The following NCAPG2 variants were observed in gnomAD, a reference collection of about 807,000 sequenced individuals.
The protein encoded by NCAPG2 is condensin-2 complex subunit G2.
A neutral mutation model predicts 141.1 loss-of-function variants in NCAPG2; 53 were observed. The ratio of observed to expected loss-of-function variants is 0.38; its 90% CI spans 0.30 to 0.47. The LOEUF (loss-of-function observed/expected upper bound fraction) is 0.47. NCAPG2 is among the 20% of genes least tolerant of loss of function. The probability of loss-of-function intolerance (pLI) is 0.99; values close to 1 mark genes in which losing one functional copy is unlikely to be tolerated. For synonymous variants in NCAPG2, 499 were observed against 490.7 expected, an observed-to-expected ratio of 1.02 and a Z score of -0.22; for missense variants, 1,087 against 1,389.0, an observed-to-expected ratio of 0.78 and a Z score of 3.46.
At chr7:158,678,104 T>C (rs1834208916) in intron 11 of NCAPG2, among the ~76,000 whole-genome samples, 1 of 39,666 alleles carries the variant, frequency 2.5e-5, no homozygotes, top group Admixed American at 4.2e-4. Context: ...GACCCTTTTT[T>C]ATTTTAAAAA....
intron 4 of NCAPG2, 115 bp downstream of exon 4, chr7:158,692,727 G>A (rs934968215): frequency 1.3e-6 from 1 of 796,906 alleles, no homozygotes; most frequent in Non-Finnish European, 2.1e-6. Flanking sequence ...GGCAACAAGA[G>A]CGAAACTCCG....
chr7:158,648,200 T>C (rs951327109), intron 24 of NCAPG2, among the ~76,000 whole-genome samples: 13 of 151,954 alleles, frequency 8.6e-5, no homozygotes, highest in African/African-American at 3.1e-4. Context: ...GCATAAGGGA[T>C]AGGAGAACAC....
Position 158,690,614 on chromosome 7 carries a change from T to C in NCAPG2, c.491A>G (p.Lys164Arg). 1.2e-6 allele frequency: 2 copies of C among 1,614,192 alleles called. No homozygotes were observed. The highest frequency in any genetic ancestry group is 1.7e-6 in the Non-Finnish European group (2 of 1,179,998). The change falls in exon 5 of 28, where the codon AAG becomes AGG. Residue 164 changes from lysine to arginine, a missense_variant. Lys to Arg is a conservative substitution (Grantham distance 26). Coordinates refer to ENST00000356309, the MANE Select transcript of NCAPG2 (RefSeq NM_017760.7). Reference protein sequence around the residue: ...KGLPAKEDTGKTAFVMLLRRS... With the variant: ...KGLPAKEDTGRTAFVMLLRRS... ...CCTTAGTAACATGACAAAGGCTGTC[T>C]TTCCTGTGTCTTCCTTGGCAGGCAG...
intron 12 of NCAPG2, among the ~76,000 whole-genome samples, chr7:158,672,366 G>C (rs1239417054): frequency 1.0e-5 from 1 of 98,394 alleles, no homozygotes; most frequent in Non-Finnish European, 1.8e-5. Flanking sequence ...TTTTTGAGAC[G>C]GAGTCTCACT....
intron 27 of NCAPG2, among the ~76,000 whole-genome samples, chr7:158,636,140 G>A (rs184584546): frequency 6.6e-6 from 1 of 152,262 alleles, no homozygotes; most frequent in African/African-American, 2.4e-5. Context: ...TGGCATGCAG[G>A]TGAATAATGG....
At chr7:158,636,952 C>T (rs549473019) in intron 27 of NCAPG2, among the ~76,000 whole-genome samples, 1 of 151,760 alleles carries the variant, frequency 6.6e-6, no homozygotes, top group African/African-American at 2.4e-5. Flanking sequence ...TCTTCTTCTT[C>T]TTCTTTTTTT....
intron 24 of NCAPG2, among the ~76,000 whole-genome samples, chr7:158,647,398 G>A (rs1831110752): frequency 6.6e-6 from 1 of 152,202 alleles, no homozygotes; most frequent in Non-Finnish European, 1.5e-5. Flanking sequence ...CCCCTGCAGG[G>A]CAGAAGCCCA....
chr7:158,672,288 G>GTATATATATA (rs1563549278), intron 12 of NCAPG2, among the ~76,000 whole-genome samples: 7 of 24,606 alleles, frequency 2.8e-4, no homozygotes, highest in African/African-American at 1.0e-3. Flanking sequence ...ATGTGTGTGT[G>GTATATATATA]TGTGTATATA....
chr7:158,664,682 C>G lies in NCAPG2; in HGVS notation c.1548G>C (p.Arg516=). 1 of 1,614,090 alleles carries G rather than the reference C, an allele frequency of 6.2e-7. No individual in the cohort carries two copies. Among genetic ancestry groups the G allele is most frequent in the South Asian group, 1.1e-5 (1 of 91,074 alleles). Residue 516 remains arginine (R), a synonymous_variant, in exon 14 of 28, where the codon CGG becomes CGC. Transcript: ENST00000356309. ...RLETDSRPVS[R]RLVSLIFNSF... is the part of the protein sequence containing the mutation. ...AATTAAAGATGAGGCTCACCAGGCGCCGAGACACAGGTCGAGAATCAGTTT... is the reference window on the plus strand; with the variant it reads ...AATTAAAGATGAGGCTCACCAGGCGGCGAGACACAGGTCGAGAATCAGTTT...
intron 12 of NCAPG2, among the ~76,000 whole-genome samples, chr7:158,674,829 A>C (rs1773493459): frequency 1.3e-5 from 2 of 152,222 alleles, no homozygotes; most frequent in South Asian, 4.1e-4. Context: ...ATCTCACAGT[A>C]CCTCAAGAAA....
intron 24 of NCAPG2, among the ~76,000 whole-genome samples, chr7:158,648,646 G>A (rs1831226402): frequency 1.4e-5 from 1 of 69,528 alleles, no homozygotes; most frequent in African/African-American, 5.1e-5. Context: ...CCACAACCAC[G>A]CCAAATGGAC....
intron 13 of NCAPG2, 25 bp downstream of exon 13, chr7:158,671,489 A>G: frequency 6.2e-7 from 1 of 1,613,512 alleles, no homozygotes; most frequent in Non-Finnish European, 8.5e-7. Context: ...TCATGTCATA[A>G]GTAAAAAAGC....
At chr7:158,696,516 A>G (rs891888326) in intron 2 of NCAPG2, 7 of 151,678 alleles carry the variant, frequency 4.6e-5, no homozygotes, top group African/African-American at 1.7e-4. Context: ...AAATGTTTAG[A>G]GATAAAGAGG....
In NCAPG2 at chr7:158,690,657, T is replaced by A. The variant is rs769141247; in HGVS notation, c.448A>T (p.Thr150Ser). 1 of 1,614,104 alleles carries A rather than the reference T, an allele frequency of 6.2e-7. No individual in the cohort carries two copies. Among genetic ancestry groups the A allele is most frequent in the Non-Finnish European group, 8.5e-7 (1 of 1,179,946 alleles). Residue 150 changes from threonine to serine, a missense_variant, in exon 5 of 28, where the codon ACC becomes TCC. Thr to Ser is a moderately conservative substitution (Grantham distance 58). Coordinates refer to ENST00000356309, the MANE Select transcript of NCAPG2 (RefSeq NM_017760.7). ...GCAGGCAGGCCTTTCTCCCACCAGG[T>A]AACACACAAATCCTGAATAGAACTC... ...LQSSIQDLCV[T>S]WWEKGLPAKE...
chr7:158,640,647 T>C (rs1830580455), intron 27 of NCAPG2: 1 of 152,088 alleles, frequency 6.6e-6, no homozygotes, highest in Admixed American at 6.5e-5. Flanking sequence ...TAAAAGACTC[T>C]CTGACAAACC....
intron 2 of NCAPG2, among the ~76,000 whole-genome samples, chr7:158,697,457 C>G (rs1458289111): frequency 6.6e-6 from 1 of 152,112 alleles, no homozygotes; most frequent in Admixed American, 6.6e-5. Flanking sequence ...CAGAAATTAG[C>G]CGGTGTGGTG....
At chr7:158,695,980 C>T (rs992782179) in intron 2 of NCAPG2, among the ~76,000 whole-genome samples, 1 of 152,230 alleles carries the variant, frequency 6.6e-6, no homozygotes, top group Non-Finnish European at 1.5e-5. Flanking sequence ...CAGCAAGGTG[C>T]CTTTTTGTAG....
intron 13 of NCAPG2, among the ~76,000 whole-genome samples, chr7:158,667,490 CCCG>C (rs1833157531): frequency 1.8e-5 from 2 of 113,862 alleles, no homozygotes; most frequent in African/African-American, 6.3e-5. Context: ...GGTCCCTCCG[CCCG>C]CCTTACCCAC....
chr7:158,676,539 A>T (rs896190806), intron 11 of NCAPG2, among the ~76,000 whole-genome samples: 77 of 63,698 alleles, frequency 1.2e-3, no homozygotes, highest in African/African-American at 6.4e-3. Flanking sequence ...TGGCATGATT[A>T]AAAAAAAAAT....
Sources: gnomAD v4.1 joint callset for allele counts (sites outside exome capture counted in the v4.1 genomes callset) on GRCh38, gnomAD v4.1.1 for gene constraint, MANE v1.5 for transcripts, NCBI Gene and HGNC (gene_info 2026-07-23, HGNC 2026-07-21) for gene names.